Variants in PCSK6 observed in about 807,000 individuals in gnomAD.
The protein encoded by PCSK6 is proprotein convertase subtilisin/kexin type 6, also known as paired basic amino acid cleaving enzyme 4.
PCSK6 carries 85 observed loss-of-function variants against 123.3 expected under a neutral mutation model. The observed-to-expected ratio is 0.69, with a 90% confidence interval of 0.58 to 0.83. The LOEUF (loss-of-function observed/expected upper bound fraction) is 0.83. Among genes scored for constraint, PCSK6 ranks in the 40% least tolerant of loss-of-function variants. PCSK6 has a pLI of 0.00. For missense variants in PCSK6, 1,191 were observed against 1,282.3 expected (o/e 0.93, Z 1.09); for synonymous variants, 508 against 516.0 (o/e 0.98, Z 0.21).
rs192956426 is a variant in PCSK6, at chr15:101,372,800, A to G, written c.1533-2277T>C. On this transcript the variant is annotated intron_variant, in intron 11 of 21. Transcript: ENST00000611716. Reference sequence around the variant, plus strand: ...TAACCCTACACTCTCACACTTCAACACCTTTCCAGTGCTGAATAGCAAGAT... The same window carrying G: ...TAACCCTACACTCTCACACTTCAACGCCTTTCCAGTGCTGAATAGCAAGAT... Among the ~76,000 whole-genome samples, 448 of 152,252 alleles carry G rather than the reference A, an allele frequency of 2.9e-3. 4 individuals carry two copies. The highest frequency in any genetic ancestry group is 0.01 in the African/African-American group (421 of 41,542).
intron 3 of PCSK6, 66 bp from the exon 4 acceptor site, chr15:101,431,529 TGCACACCCCACAGGGAG>T (rs2056447004): frequency 1.3e-6 from 2 of 1,599,320 alleles, no homozygotes; most frequent in African/African-American, 2.7e-5. Flanking sequence ...TGACACTCGG[TGCACACCCCACAGGGAG>T]GCGCTTAGGC....
intron 2 of PCSK6, among the ~76,000 whole-genome samples, chr15:101,436,279 ACCCTCCC>A (rs1567220191): frequency 3.3e-5 from 5 of 151,978 alleles, no homozygotes; most frequent in Non-Finnish European, 7.4e-5. Flanking sequence ...ATACACAGGC[ACCCTCCC>A]CCAGCGGTCC....
chr15:101,487,656 T>C (rs1283145128), intron 1 of PCSK6, among the ~76,000 whole-genome samples: 2 of 152,196 alleles, frequency 1.3e-5, no homozygotes, highest in Non-Finnish European at 2.9e-5. Context: ...ATTTATCGCG[T>C]AGTTTAAGAG....
chr15:101,430,087 T>C, intron 4 of PCSK6, 24 bp from the exon 5 acceptor site: 1 of 1,597,986 alleles, frequency 6.3e-7, no homozygotes, highest in Admixed American at 1.7e-5. Flanking sequence ...TCGTGGTGAG[T>C]GAGGAGAAAT....
chr15:101,368,233 G>A (rs2041459090), intron 12 of PCSK6, among the ~76,000 whole-genome samples: 1 of 152,234 alleles, frequency 6.6e-6, no homozygotes, highest in Admixed American at 6.5e-5. Flanking sequence ...ACACTGGGCA[G>A]CAGCAGGAGG....
At chr15:101,470,804 G>T (rs544100076) in intron 1 of PCSK6, among the ~76,000 whole-genome samples, 2 of 152,332 alleles carry the variant, frequency 1.3e-5, no homozygotes, top group East Asian at 3.9e-4. Flanking sequence ...ACAGGATCAG[G>T]ATTCCGACAT....
At chr15:101,321,177 C>T (rs146813242) in intron 18 of PCSK6, among the ~76,000 whole-genome samples, 23 of 152,288 alleles carry the variant, frequency 1.5e-4, no homozygotes, top group African/African-American at 4.8e-4. Flanking sequence ...TCTCCCAGGC[C>T]GCCAGCGGAA....
At chr15:101,372,703 T>C (rs868778994) in intron 11 of PCSK6, among the ~76,000 whole-genome samples, 3 of 152,288 alleles carry the variant, frequency 2.0e-5, no homozygotes, top group African/African-American at 7.2e-5. Flanking sequence ...GAAACGTCTA[T>C]GCCGGCAGAC....
chr15:101,402,722 T>C (rs1398630228), intron 6 of PCSK6, among the ~76,000 whole-genome samples: 1 of 152,244 alleles, frequency 6.6e-6, no homozygotes, highest in Non-Finnish European at 1.5e-5. Context: ...CACAATGAGA[T>C]ATCATCTCAC....
At chr15:101,394,165 G>C (rs992099794) in intron 7 of PCSK6, among the ~76,000 whole-genome samples, 2 of 147,768 alleles carry the variant, frequency 1.4e-5, no homozygotes, top group African/African-American at 5.1e-5. Context: ...TTTGAGACAG[G>C]GGTCTTGCTA....
At chr15:101,344,395 C>A (rs891900429) in intron 13 of PCSK6, among the ~76,000 whole-genome samples, 13 of 152,218 alleles carry the variant, frequency 8.5e-5, no homozygotes, top group Non-Finnish European at 1.8e-4. Flanking sequence ...TATAGACCCT[C>A]TACATATTGA....
At chr15:101,399,562 C>A (rs2042525450) in intron 6 of PCSK6, among the ~76,000 whole-genome samples, 1 of 152,214 alleles carries the variant, frequency 6.6e-6, no homozygotes, top group Non-Finnish European at 1.5e-5. Flanking sequence ...TCCCTTCTTG[C>A]CTCATACTTG....
At chr15:101,419,207 T>C (rs1225353394) in intron 6 of PCSK6, among the ~76,000 whole-genome samples, 1 of 151,562 alleles carries the variant, frequency 6.6e-6, no homozygotes. Context: ...GCCAAGAGAA[T>C]CCAACGGAAA....
chr15:101,318,492 C>T (rs983907145), intron 18 of PCSK6, 70 bp from the exon 19 acceptor site: 1 of 1,270,104 alleles, frequency 7.9e-7, no homozygotes. Flanking sequence ...CCTCTAGCAC[C>T]TTTCCCAAGA....
chr15:101,406,002 C>T (rs1044026666), intron 6 of PCSK6, among the ~76,000 whole-genome samples: 1 of 152,230 alleles, frequency 6.6e-6, no homozygotes, highest in African/African-American at 2.4e-5. Flanking sequence ...CTCGGCCTCC[C>T]AAAGTGCTGG....
intron 6 of PCSK6, among the ~76,000 whole-genome samples, chr15:101,400,547 G>A (rs1260994097): frequency 6.6e-6 from 1 of 152,218 alleles, no homozygotes; most frequent in East Asian, 1.9e-4. Flanking sequence ...AAGAGGTGGT[G>A]CAGGACTCAT....
At chr15:101,465,080 C>A (rs1249729936) in intron 1 of PCSK6, among the ~76,000 whole-genome samples, 1 of 152,190 alleles carries the variant, frequency 6.6e-6, no homozygotes, top group African/African-American at 2.4e-5. Flanking sequence ...CTGAGCAGAA[C>A]CATAGTGGGG....
chr15:101,411,973 G>T (rs2055704207), intron 6 of PCSK6, among the ~76,000 whole-genome samples: 2 of 152,216 alleles, frequency 1.3e-5, no homozygotes, highest in Admixed American at 6.5e-5. Context: ...ATGCCTGGTG[G>T]AGAGTCAGGA....
intron 5 of PCSK6, among the ~76,000 whole-genome samples, chr15:101,428,816 G>A (rs1407074593): frequency 3.3e-5 from 5 of 152,220 alleles, no homozygotes; most frequent in Non-Finnish European, 5.9e-5. Flanking sequence ...ACAGCTTCAA[G>A]GCCAGGGCTG....
Sources: gnomAD v4.1 joint callset for allele counts (sites outside exome capture counted in the v4.1 genomes callset) on GRCh38, gnomAD v4.1.1 for gene constraint, MANE v1.5 for transcripts, NCBI Gene and HGNC (gene_info 2026-07-23, HGNC 2026-07-21) for gene names.